PNISR: variants seen among roughly 807,000 people sequenced by gnomAD.
The protein encoded by PNISR is arginine/serine-rich protein PNISR.
A neutral mutation model predicts 93.4 loss-of-function variants in PNISR; 20 were observed. The observed-to-expected ratio is 0.21, with a 90% CI of 0.15 to 0.31. The LOEUF is 0.31. Ranked by LOEUF, PNISR falls within the 10% of genes least tolerant of loss-of-function variation. The pLI is 1.00. For missense variants in PNISR, 893 were observed against 985.4 expected, an observed-to-expected ratio of 0.91 and a Z score of 1.25; for synonymous variants, 305 against 306.5, an observed-to-expected ratio of 0.99 and a Z score of 0.05.
intron 7 of PNISR, 57 bp from the exon 8 acceptor site, chr6:99,406,225 T>C: frequency 8.8e-7 from 1 of 1,142,160 alleles, no homozygotes; most frequent in Non-Finnish European, 1.2e-6. Context: ...AAAATCCTTA[T>C]CTTACATACA....
chr6:99,404,577 G>T, intron 9 of PNISR, 26 bp downstream of exon 9: 1 of 1,339,118 alleles, frequency 7.5e-7, no homozygotes, highest in Non-Finnish European at 1.1e-6. Flanking sequence ...CCCAGGAAAA[G>T]CAAAACCAGA....
At chr6:99,420,527 TCTTC>T (rs1778418417) in intron 1 of PNISR, among the ~76,000 whole-genome samples, 2 of 152,222 alleles carry the variant, frequency 1.3e-5, no homozygotes, top group African/African-American at 4.8e-5. Flanking sequence ...CACTACTCTT[TCTTC>T]CTTCATCTTC....
chr6:99,415,068 G>A (rs1160461163), intron 2 of PNISR: 1 of 152,360 alleles, frequency 6.6e-6, no homozygotes, highest in African/African-American at 2.4e-5. Context: ...AGCAGATGAA[G>A]AAAAATTTTT....
Position 99,412,380 on chromosome 6 carries a change from C to G in PNISR, c.277+171G>C, listed in dbSNP as rs566730058. On this transcript the variant is annotated intron_variant, in intron 4 of 11. Transcript: ENST00000369239. ...TGCCACAAAGCTAGCAGAATGAGTACAGAATAATTTTAACCACAAAATGTC... is the reference window on the plus strand; with the variant it reads ...TGCCACAAAGCTAGCAGAATGAGTAGAGAATAATTTTAACCACAAAATGTC... 5 of 701,502 alleles carry G rather than the reference C, an allele frequency of 7.1e-6. No homozygotes were observed. In the South Asian group the frequency reaches 7.5e-5, roughly 10 times the overall value. The allele number at this position is 701,502 out of a possible 1,614,324, so 43.5% of individuals were successfully genotyped here. A position where few individuals can be genotyped will look rare whatever the true frequency, so the allele number is the denominator to read the frequency against.
chr6:99,400,520 A>G lies in PNISR; in HGVS notation c.*20T>C. 2 of 1,584,664 alleles carry G rather than the reference A, an allele frequency of 1.3e-6. No individual in the cohort carries two copies. The highest frequency in any genetic ancestry group is 1.7e-6 in the Non-Finnish European group (2 of 1,170,588). The stretch of plus-strand genomic sequence containing the variant: ...AGTCAATTTTTTTTAAAAATCAGAC[A>G]AAATACTTTAAAAAGTATACTACCT... On this transcript the variant is annotated 3_prime_UTR_variant, in exon 12 of 12. Transcript: ENST00000369239.
intron 9 of PNISR, 31 bp from the exon 10 acceptor site, chr6:99,403,913 T>A (rs749411948): frequency 6.4e-7 from 1 of 1,573,260 alleles, no homozygotes; most frequent in East Asian, 2.2e-5. Flanking sequence ...AGGAACAACA[T>A]GTTAACACAA....
chr6:99,417,665 T>C (rs1777877704), intron 1 of PNISR, among the ~76,000 whole-genome samples: 1 of 151,304 alleles, frequency 6.6e-6, no homozygotes, highest in Non-Finnish European at 1.5e-5. Flanking sequence ...TATTAGGGGG[T>C]TTTAAAAAAA....
rs1199345723 is a variant in PNISR, at chr6:99,416,431, A to G, written c.-111-3T>C. 5 of 1,158,580 alleles carry G rather than the reference A, an allele frequency of 4.3e-6. No individual in the cohort carries two copies. Among genetic ancestry groups the G allele is most frequent in the Middle Eastern group, 3.2e-4 (1 of 3,096 alleles). 71.8% of individuals were successfully genotyped at this position (1,158,580 alleles called of 1,614,324 possible). A position where few individuals can be genotyped will look rare whatever the true frequency, so the allele number is the denominator to read the frequency against. On this transcript the variant is annotated splice_region_variant and splice_polypyrimidine_tract_variant and intron_variant, in intron 1 of 11. Transcript: ENST00000369239. The stretch of plus-strand genomic sequence containing the variant: ...ATAGCAGCAAGATTATGTATGCCCT[A>G]GGGGGAAAAAAAGTAGATGTCTGCT...
At chr6:99,414,239 A>C (rs963256948) in intron 3 of PNISR, among the ~76,000 whole-genome samples, 3 of 152,230 alleles carry the variant, frequency 2.0e-5, no homozygotes, top group Non-Finnish European at 4.4e-5. Flanking sequence ...CCAGTTCAAT[A>C]TAATATACAA....
chr6:99,420,467 TTTAA>T (rs1204791487), intron 1 of PNISR, among the ~76,000 whole-genome samples: 2 of 152,210 alleles, frequency 1.3e-5, no homozygotes, highest in African/African-American at 4.8e-5. Context: ...TTAACTATTG[TTTAA>T]TTAAACAGTA....
intron 8 of PNISR, 96 bp from the exon 9 acceptor site, chr6:99,404,798 T>C: frequency 3.2e-6 from 2 of 634,610 alleles, no homozygotes; most frequent in Non-Finnish European, 2.8e-6. Flanking sequence ...ATTTTTTTTT[T>C]CAGACAGTCT....
intron 4 of PNISR, chr6:99,412,064 A>C: frequency 6.4e-6 from 2 of 313,230 alleles, no homozygotes; most frequent in Admixed American, 7.9e-5. Flanking sequence ...TAAAACACAC[A>C]AAAACTTATG....
Position 99,400,748 on chromosome 6 carries a change from C to G in PNISR, c.2210G>C (p.Arg737Thr), listed in dbSNP as rs1357544194. 1 of 1,610,212 alleles carries G rather than the reference C, an allele frequency of 6.2e-7. No homozygotes were observed. Among genetic ancestry groups the G allele is most frequent in the East Asian group, 2.2e-5 (1 of 44,858 alleles). ...GGTAGTACTTTTCTTACTATCCTGT[C>G]TAGAATCATGTCTTATGATTTTAAC... is the stretch of plus-strand genomic sequence containing the variant. ...ISVKIIRHDS[R>T]QDSKKSTTKD... The change falls in exon 12 of 12, where the codon AGA (arginine) becomes ACA (threonine). Residue 737 changes from arginine (R) to threonine (T), a missense_variant. This residue lies in a region of PNISR where 866 missense variants were observed against 935.1 expected (regional missense o/e 0.93). Coordinates refer to ENST00000369239, the MANE Select transcript of PNISR (RefSeq NM_032870.4).
intron 1 of PNISR, 65 bp downstream of exon 1, chr6:99,425,150 A>T: frequency 9.0e-7 from 1 of 1,113,990 alleles, no homozygotes; most frequent in Non-Finnish European, 1.1e-6. Context: ...TACCTTCGCC[A>T]CAGAAACCAA....
rs752637722 is a variant in PNISR at position 99,404,661 on chromosome 6, A to T, written c.1044T>A (p.Asp348Glu). 1 of 1,605,740 alleles carries T rather than the reference A, an allele frequency of 6.2e-7. No individual in the cohort carries two copies. Reference sequence around the variant, plus strand: ...CGTAATAAATTTCTTCATCTGTGACATCCAGCAGAATTTCTGTTAGAAGCA... The same window carrying T: ...CGTAATAAATTTCTTCATCTGTGACTTCCAGCAGAATTTCTGTTAGAAGCA... ...TKMLLTEILL[D>E]VTDEEIYYVA... Residue 348 changes from aspartate to glutamate, a missense_variant, in exon 9 of 12, where the codon GAT (aspartate) becomes GAA (glutamate). Coordinates refer to ENST00000369239, the MANE Select transcript of PNISR (RefSeq NM_032870.4).
rs1350998071 is a variant in PNISR, at chr6:99,412,739, C to T, written c.89G>A (p.Ser30Asn). ...GGCCAATGCAGCCCAATCAATCTGG[C>T]CTAACGTAAATTAACACTGACTTCA... The part of the protein sequence containing the change: ...MQSFQHQQDP[S>N]QIDWAALAQA... The change falls in exon 4 of 12, where the codon AGC (serine) becomes AAC (asparagine). Residue 30 changes from serine to asparagine, a missense_variant and splice_region_variant. Transcript: ENST00000369239. 3 of 1,557,074 alleles carry T rather than the reference C, an allele frequency of 1.9e-6. No homozygotes were observed. Among genetic ancestry groups the T allele is most frequent in the South Asian group, 2.5e-5 (2 of 81,032 alleles).
intron 10 of PNISR, 136 bp from the exon 11 acceptor site, chr6:99,402,846 G>T: frequency 1.7e-6 from 1 of 592,692 alleles, no homozygotes; most frequent in Non-Finnish European, 2.8e-6. Context: ...GGGGTGGGGA[G>T]AAGTATACAT....
At position 99,399,847 on chromosome 6, in the gene PNISR, C is replaced by G. The variant is rs1163529585; in HGVS notation, c.*693G>C. 1 of 151,974 alleles carries G rather than the reference C, an allele frequency of 6.6e-6. No individual in the cohort carries two copies. Among genetic ancestry groups the G allele is most frequent in the Non-Finnish European group, 1.5e-5 (1 of 67,966 alleles). The allele number at this position is 151,974 out of a possible 1,614,324, so 9.4% of individuals were successfully genotyped here. On this transcript the variant is annotated 3_prime_UTR_variant, in exon 12 of 12. Coordinates refer to ENST00000369239, the MANE Select transcript of PNISR (RefSeq NM_032870.4). ...CTTTGACAAACTATTAAGTAAAAAC[C>G]ATTTTCTTTGGGGGAGGTGAGAGAA... is the stretch of plus-strand genomic sequence containing the variant.
intron 10 of PNISR, 118 bp downstream of exon 10, chr6:99,403,711 G>C (rs1319246975): frequency 1.5e-6 from 1 of 653,086 alleles, no homozygotes; most frequent in Non-Finnish European, 2.6e-6. Context: ...ATAACCCTAA[G>C]ACCTAGGTTT....
Sources: allele counts gnomAD v4.1 joint callset (sites outside exome capture counted in the v4.1 genomes callset), GRCh38; gene constraint gnomAD v4.1.1; regional missense constraint gnomAD v4.1.1; transcripts MANE v1.5; gene names NCBI Gene and HGNC (gene_info 2026-07-23, HGNC 2026-07-21).